The following MAPK10 variants were observed in gnomAD, a reference collection of about 807,000 sequenced individuals.
MAPK10 encodes the protein mitogen-activated protein kinase 10, also known as JNK3 alpha protein kinase.
A neutral mutation model predicts 59.3 loss-of-function variants in MAPK10; 25 were observed. That is an observed-to-expected ratio of 0.42 (90% CI 0.31 to 0.59). The LOEUF is 0.59. MAPK10 is among the 20% of genes least tolerant of loss of function. The pLI is 0.15. For synonymous variants in MAPK10, 190 were observed against 200.5 expected (o/e 0.95, Z 0.44); for missense variants, 351 against 568.9 (o/e 0.62, Z 3.90).
At chr4:86,442,925 A>G in intron 1 of MAPK10, among the ~76,000 whole-genome samples, 1 of 152,182 alleles carries the variant, frequency 6.6e-6, no homozygotes, top group African/African-American at 2.4e-5. Flanking sequence ...CATTCTAACA[A>G]CAAGGCAAAG....
chr4:86,245,941 T>C (rs1226275864), intron 2 of MAPK10, among the ~76,000 whole-genome samples: 2 of 152,212 alleles, frequency 1.3e-5, no homozygotes, highest in African/African-American at 2.4e-5. Flanking sequence ...TTGGTTTATA[T>C]GGCCATCAGG....
chr4:86,485,351 T>A (rs1183180000), intron 1 of MAPK10, among the ~76,000 whole-genome samples: 1 of 152,198 alleles, frequency 6.6e-6, no homozygotes, highest in African/African-American at 2.4e-5. Flanking sequence ...ATATTTGACT[T>A]TTTGATTAAT....
intron 2 of MAPK10, among the ~76,000 whole-genome samples, chr4:86,305,797 C>T (rs1360876193): frequency 6.2e-5 from 9 of 144,086 alleles, no homozygotes; most frequent in Admixed American, 5.8e-4. Flanking sequence ...ACAGCCTGGG[C>T]GACAAGAGGG....
intron 11 of MAPK10, among the ~76,000 whole-genome samples, chr4:86,056,707 C>T (rs2044612535): frequency 6.7e-6 from 1 of 149,888 alleles, no homozygotes; most frequent in South Asian, 2.1e-4. Context: ...CATCCTCAGT[C>T]ATGTGAACTA....
chr4:86,534,855 G>A (rs922160733), intron 1 of MAPK10, among the ~76,000 whole-genome samples: 7 of 152,110 alleles, frequency 4.6e-5, no homozygotes, highest in Admixed American at 6.6e-5. Context: ...GCAGTGAACC[G>A]AGATCGCGCC....
intron 13 of MAPK10, among the ~76,000 whole-genome samples, chr4:86,019,410 A>G (rs1447584649): frequency 6.6e-6 from 1 of 152,182 alleles, no homozygotes; most frequent in Non-Finnish European, 1.5e-5. Flanking sequence ...TAATTACTCT[A>G]TCAGGACAAT....
intron 3 of MAPK10, among the ~76,000 whole-genome samples, chr4:86,179,667 CA>C (rs2076463965): frequency 6.6e-6 from 1 of 152,096 alleles, no homozygotes; most frequent in East Asian, 1.9e-4. Flanking sequence ...GCCAACAGAA[CA>C]AATCAGAAAA....
intron 4 of MAPK10, among the ~76,000 whole-genome samples, chr4:86,116,667 T>C (rs1239197810): frequency 6.6e-6 from 1 of 152,202 alleles, no homozygotes; most frequent in Non-Finnish European, 1.5e-5. Flanking sequence ...TCTCCCTCTG[T>C]CTGGTACTTC....
intron 1 of MAPK10, among the ~76,000 whole-genome samples, chr4:86,433,555 CTTTTTTTTTTTTTT>C (rs574706672): frequency 1.0e-5 from 1 of 97,612 alleles, no homozygotes; most frequent in East Asian, 3.1e-4. Context: ...GGGCCTTCTT[CTTTTTTTTTTTTTT>C]TTTTTTTTTT....
chr4:86,268,962 G>T (rs2094344777), intron 2 of MAPK10, among the ~76,000 whole-genome samples: 1 of 152,020 alleles, frequency 6.6e-6, no homozygotes, highest in Admixed American at 6.6e-5. Flanking sequence ...TACATTCCTG[G>T]TGTCTAGAAT....
intron 1 of MAPK10, among the ~76,000 whole-genome samples, chr4:86,540,297 G>A (rs1177594722): frequency 1.3e-5 from 2 of 152,206 alleles, no homozygotes; most frequent in Non-Finnish European, 2.9e-5. Context: ...GCTCAGGAGT[G>A]AGACCAGCCT....
intron 1 of MAPK10, among the ~76,000 whole-genome samples, chr4:86,383,844 C>T (rs533150671): frequency 2.1e-4 from 32 of 152,292 alleles, no homozygotes; most frequent in Admixed American, 1.4e-3. Flanking sequence ...ATTTACTTCA[C>T]ACACAATTGA....
intron 4 of MAPK10, chr4:86,152,273 TAAA>T (rs1231809696): frequency 6.6e-6 from 1 of 152,060 alleles, no homozygotes; most frequent in Non-Finnish European, 1.5e-5. Context: ...TGATAAAAAA[TAAA>T]GAAGAATAGA....
chr4:86,044,419 A>G (rs1234427493), intron 11 of MAPK10: 1 of 236,748 alleles, frequency 4.2e-6, no homozygotes, highest in African/African-American at 2.2e-5. Flanking sequence ...TGATTCTAAC[A>G]TGCAGCAAAG....
chr4:86,017,469 T>G lies in MAPK10; in HGVS notation c.1253-99A>C. ...GGATGGGCAAATACAATAGGGGATG[T>G]CCAGTCCATCAATCATTTGGCAAGC... On this transcript the variant is annotated intron_variant, in intron 13 of 13. Transcript: ENST00000641462. This position sits in a 1 kb window ranked among gnomAD's most constrained non-coding sequence, Gnocchi z 4.4. 7.7e-7 allele frequency: 1 copy of G among 1,294,288 alleles called. No individual in the cohort carries two copies. The highest frequency in any genetic ancestry group is 1.1e-6 in the Non-Finnish European group (1 of 915,216). 80.2% of individuals were successfully genotyped at this position (1,294,288 alleles called of 1,614,324 possible).
At position 86,091,982 on chromosome 4, in the gene MAPK10, TTTAATAACTGGTA is replaced by T. The variant is rs536036247; in HGVS notation, c.802+6529_802+6541del. Among the ~76,000 whole-genome samples, 723 of 152,226 alleles carry T rather than the reference TTTAATAACTGGTA, an allele frequency of 4.7e-3. 4 individuals carry two copies. Among genetic ancestry groups the T allele is most frequent in the Non-Finnish European group, 6.1e-3 (413 of 68,020 alleles). ...ACACCATGCCTGGCCCAGTTGTTGATTTAATAACTGGTATTAATAACTGGTATATCTCACAGTT... is the reference window on the plus strand; with the variant it reads ...ACACCATGCCTGGCCCAGTTGTTGATTTAATAACTGGTATATCTCACAGTT... On this transcript the variant is annotated intron_variant, in intron 9 of 13. Coordinates refer to ENST00000641462, the MANE Select transcript of MAPK10 (RefSeq NM_138982.4).
At chr4:86,323,361 G>A (rs1196650310) in intron 2 of MAPK10, among the ~76,000 whole-genome samples, 1 of 152,108 alleles carries the variant, frequency 6.6e-6, no homozygotes, top group Non-Finnish European at 1.5e-5. Flanking sequence ...GGCAGGTAAG[G>A]CAAGGCACAA....
chr4:86,332,663 T>C (rs544746277), intron 2 of MAPK10: 4 of 152,276 alleles, frequency 2.6e-5, no homozygotes, highest in South Asian at 4.2e-4. Flanking sequence ...TAACCTTCCA[T>C]AAAATCTTTC....
chr4:86,186,528 C>T (rs946163642), intron 3 of MAPK10, among the ~76,000 whole-genome samples: 1 of 151,988 alleles, frequency 6.6e-6, no homozygotes, highest in African/African-American at 2.4e-5. Context: ...CTATAATAAG[C>T]AAATATTAAT....
Sources: gnomAD v4.1 joint callset for allele counts (sites outside exome capture counted in the v4.1 genomes callset) on GRCh38, gnomAD v4.1.1 for gene constraint, Gnocchi (gnomAD v3.1) non-coding constraint, MANE v1.5 for transcripts, NCBI Gene and HGNC (gene_info 2026-07-23, HGNC 2026-07-21) for gene names.